ARID4A: variants seen among roughly 807,000 people sequenced by gnomAD.
ARID4A encodes AT-rich interaction domain 4A.
A neutral mutation model predicts 148.6 loss-of-function variants in ARID4A; 39 were observed. That is an observed-to-expected ratio of 0.26 (90% CI 0.20 to 0.34). The LOEUF (loss-of-function observed/expected upper bound fraction) is 0.34, where lower values mean the gene tolerates loss of function less well. Among genes scored for constraint, ARID4A ranks in the 10% least tolerant of loss-of-function variants. ARID4A has a pLI of 1.00. For missense variants in ARID4A, 1,265 were observed against 1,449.1 expected, an observed-to-expected ratio of 0.87 and a Z score of 2.06; for synonymous variants, 475 against 481.2, an observed-to-expected ratio of 0.99 and a Z score of 0.17.
chr14:58,353,653 T>C lies in ARID4A; in HGVS notation c.1656-5T>C, dbSNP rs1390346945. 1.2e-6 allele frequency: 2 copies of C among 1,612,972 alleles called. No homozygotes were observed. Among genetic ancestry groups the C allele is most frequent in the Non-Finnish European group, 1.7e-6 (2 of 1,179,230 alleles). ...TAGCATTATCAGTATTATAACTTAC[T>C]GCAGGGAAGAAACTGAAAGCAAATG... On this transcript the variant is annotated splice_region_variant and splice_polypyrimidine_tract_variant and intron_variant, in intron 16 of 23. Coordinates refer to ENST00000355431, the MANE Select transcript of ARID4A (RefSeq NM_002892.4).
At chr14:58,365,488 T>TTTAAAAAATA in intron 20 of ARID4A, 30 bp from the exon 21 acceptor site, 1 of 1,135,266 alleles carries the variant, frequency 8.8e-7, no homozygotes, top group Non-Finnish European at 1.2e-6. Context: ...TTTTTTTTTT[T>TTTAAAAAATA]TCAACATTCT....
chr14:58,371,417 A>G (rs2140282893), intron 23 of ARID4A, among the ~76,000 whole-genome samples: 1 of 152,286 alleles, frequency 6.6e-6, no homozygotes, highest in African/African-American at 2.4e-5. Context: ...AAACCATTTG[A>G]GGACTTTTTG....
chr14:58,346,047 C>T (rs986230723), intron 12 of ARID4A, among the ~76,000 whole-genome samples: 10 of 151,632 alleles, frequency 6.6e-5, no homozygotes, highest in African/African-American at 4.8e-5. Context: ...TATGCCCAAG[C>T]GTCTTGAACC....
chr14:58,345,931 T>C (rs2034342877), intron 12 of ARID4A, among the ~76,000 whole-genome samples: 1 of 151,434 alleles, frequency 6.6e-6, no homozygotes, highest in South Asian at 2.1e-4. Context: ...AGACAGGATA[T>C]CACCATGTTG....
intron 11 of ARID4A, 104 bp downstream of exon 11, chr14:58,330,273 T>A (rs2033448920): frequency 1.4e-6 from 2 of 1,454,154 alleles, no homozygotes; most frequent in Non-Finnish European, 1.8e-6. Flanking sequence ...ATTATTTGTT[T>A]CTGTCCGTTT....
At chr14:58,313,927 T>G (rs2032230461) in intron 5 of ARID4A, among the ~76,000 whole-genome samples, 1 of 150,356 alleles carries the variant, frequency 6.7e-6, no homozygotes, top group East Asian at 1.9e-4. Flanking sequence ...GAGTGAATCT[T>G]CCCCACCTGG....
intron 19 of ARID4A, among the ~76,000 whole-genome samples, chr14:58,362,672 C>A (rs550483577): frequency 1.6e-4 from 24 of 151,932 alleles, no homozygotes; most frequent in African/African-American, 5.8e-4. Context: ...GTTTTCCCAC[C>A]TCAGTCTCCC....
intron 11 of ARID4A, among the ~76,000 whole-genome samples, chr14:58,343,484 T>C (rs2034211520): frequency 6.6e-6 from 1 of 152,312 alleles, no homozygotes; most frequent in South Asian, 2.1e-4. Context: ...CACCGAAGAC[T>C]CAACATTTAT....
At chr14:58,346,538 T>C in intron 13 of ARID4A, 33 bp downstream of exon 13, 1 of 1,458,706 alleles carries the variant, frequency 6.9e-7, no homozygotes, top group Non-Finnish European at 9.5e-7. Flanking sequence ...AAACATGTAT[T>C]GATGTGGTAA....
intron 23 of ARID4A, among the ~76,000 whole-genome samples, chr14:58,370,899 A>C (rs2035581378): frequency 6.6e-6 from 1 of 152,194 alleles, no homozygotes. Context: ...GCATGAGCCA[A>C]CATGCCCAGC....
chr14:58,353,513 C>T (rs2034730829), intron 16 of ARID4A, 145 bp from the exon 17 acceptor site: 1 of 672,192 alleles, frequency 1.5e-6, no homozygotes, highest in East Asian at 2.8e-5. Context: ...GAAATCTTCT[C>T]CTTCTCCTCC....
chr14:58,309,191 C>G (rs991396608), intron 5 of ARID4A, among the ~76,000 whole-genome samples: 1 of 152,178 alleles, frequency 6.6e-6, no homozygotes, highest in African/African-American at 2.4e-5. Context: ...TTGTAGCTTC[C>G]TGCAGCCCTG....
chr14:58,326,685 G>C (rs1435522446), intron 8 of ARID4A, among the ~76,000 whole-genome samples: 2 of 152,166 alleles, frequency 1.3e-5, no homozygotes, highest in Non-Finnish European at 2.9e-5. Context: ...CGTGTTACTA[G>C]AAAGACTGGA....
At chr14:58,344,461 A>C (rs954029171) in intron 11 of ARID4A, among the ~76,000 whole-genome samples, 1 of 152,188 alleles carries the variant, frequency 6.6e-6, no homozygotes, top group Admixed American at 6.5e-5. Context: ...GGCTAATCTT[A>C]GTCCTTACAG....
At chr14:58,359,257 A>G in intron 18 of ARID4A, 41 bp downstream of exon 18, 2 of 1,512,210 alleles carry the variant, frequency 1.3e-6, no homozygotes, top group Non-Finnish European at 9.0e-7. Flanking sequence ...ATGTATAGGA[A>G]TTATCCAAAT....
At chr14:58,368,894 G>A (rs1240646802) in intron 23 of ARID4A, among the ~76,000 whole-genome samples, 1 of 152,168 alleles carries the variant, frequency 6.6e-6, no homozygotes, top group Non-Finnish European at 1.5e-5. Flanking sequence ...GTGCTCAAAA[G>A]TTTCAGATTT....
intron 23 of ARID4A, 59 bp downstream of exon 23, chr14:58,367,088 A>G: frequency 7.8e-7 from 1 of 1,282,128 alleles, no homozygotes. Flanking sequence ...ATCATTTTAG[A>G]AGATTTAAAT....
chr14:58,328,391 C>A, intron 9 of ARID4A, 75 bp downstream of exon 9: 1 of 955,192 alleles, frequency 1.0e-6, no homozygotes, highest in Non-Finnish European at 1.6e-6. Flanking sequence ...ACACCTCCCC[C>A]ACCAAAACTT....
chr14:58,316,931 G>A (rs1405102755), intron 5 of ARID4A, among the ~76,000 whole-genome samples: 18 of 150,746 alleles, frequency 1.2e-4, no homozygotes, highest in African/African-American at 3.6e-4. Flanking sequence ...CGGTGCTCAC[G>A]CCTGTAATCC....
Sources: gnomAD v4.1 joint callset for allele counts (sites outside exome capture counted in the v4.1 genomes callset) on GRCh38, gnomAD v4.1.1 for gene constraint, MANE v1.5 for transcripts, NCBI Gene and HGNC (gene_info 2026-07-23, HGNC 2026-07-21) for gene names.